IGSF9: variants seen among roughly 807,000 people sequenced by gnomAD.
IGSF9 encodes immunoglobulin superfamily member 9.
Under a neutral mutation model 121.7 loss-of-function variants are expected in IGSF9, and 87 were observed. That is an observed-to-expected ratio of 0.71 (90% CI 0.60 to 0.85). IGSF9 has a LOEUF of 0.85. IGSF9 is among the 40% of genes least tolerant of loss of function. The pLI, the probability that IGSF9 is intolerant of heterozygous loss-of-function variation, is 0.00. For synonymous variants in IGSF9, 640 were observed against 648.4 expected (o/e 0.99, Z 0.20); for missense variants, 1,462 against 1,565.3 (o/e 0.93, Z 1.11).
At position 159,929,346 on chromosome 1, in the gene IGSF9, C is replaced by T. The variant is rs754249259; in HGVS notation, c.2369+5G>A. The T allele has an allele frequency of 1.1e-5, 18 of 1,613,964 alleles. No homozygotes were observed. In the South Asian group the frequency reaches 2.0e-4, roughly 18 times the overall value. On this transcript the variant is annotated splice_donor_5th_base_variant and intron_variant, in intron 18 of 20. Transcript: ENST00000368094. ...GAAGAAAGCCAAGGAGGTGGAGGCA[C>T]TTACGGTGCAGCTGACTTCCCGGTC...
Position 159,929,385 on chromosome 1 carries a change from G to A in IGSF9, c.2335C>T (p.Leu779Phe), listed in dbSNP as rs762805461. ...RRKRLRQDPPLIFSPTGKSAA... is the reference protein window; with the variant it reads ...RRKRLRQDPPFIFSPTGKSAA... The stretch of plus-strand genomic sequence containing the variant: ...GACTTCCCGGTCGGAGAGAAGATAA[G>A]AGGTGGATCTGGAAGGGCATGAGAA... Residue 779 changes from leucine (L) to phenylalanine (F), a missense_variant, in exon 18 of 21, where the codon CTT becomes TTT. Coordinates refer to ENST00000368094, the MANE Select transcript of IGSF9 (RefSeq NM_001135050.2). 6.3e-5 allele frequency: 102 copies of A among 1,614,070 alleles called. No individual in the cohort carries two copies. The East Asian group carries it at 2.2e-3, about 35-fold the overall frequency.
At chr1:159,935,864 G>A (rs540891423) in intron 6 of IGSF9, among the ~76,000 whole-genome samples, 3 of 152,192 alleles carry the variant, frequency 2.0e-5, no homozygotes, top group Admixed American at 6.5e-5. Context: ...ACCATTACCC[G>A]GCACTGCCTT....
Position 159,934,194 on chromosome 1 carries a change from T to A in IGSF9, c.1100A>T (p.Asp367Val). ...WTKDGKALQLDKFPGWSQGTE... is the reference protein window; with the variant it reads ...WTKDGKALQLVKFPGWSQGTE... ...TCCCCTGCCCCAAGCCTGTACCTTG[T>A]CCAGCTGCAGGGCCTTTCCATCCTT... Residue 367 changes from aspartate (D) to valine (V), a missense_variant, in exon 9 of 21, where the codon GAC (aspartate) becomes GTC (valine). Around this residue, in one of 3 missense-constraint regions of IGSF9, gnomAD observed 558 missense variants for 599.4 expected, o/e 0.93. Transcript: ENST00000368094. 1 of 1,612,812 alleles carries A rather than the reference T, an allele frequency of 6.2e-7. No individual in the cohort carries two copies. Among genetic ancestry groups the A allele is most frequent in the Non-Finnish European group, 8.5e-7 (1 of 1,179,476 alleles).
chr1:159,939,092 C>T (rs184325953), intron 3 of IGSF9, among the ~76,000 whole-genome samples: 2 of 152,298 alleles, frequency 1.3e-5, no homozygotes, highest in African/African-American at 4.8e-5. Flanking sequence ...CCCTTCTCTG[C>T]TGTCCTCACC....
rs1024850575 is a variant in IGSF9, at chr1:159,932,042, C to G, written c.1246-114G>C. 1.9e-5 allele frequency: 13 copies of G among 674,784 alleles called. No homozygotes were observed. Among genetic ancestry groups the G allele is most frequent in the Non-Finnish European group, 2.8e-5 (11 of 387,472 alleles). 41.8% of individuals were successfully genotyped at this position (674,784 alleles called of 1,614,324 possible). ...CTCACCTCACTCTCCCTCACTCCCCCTAGCTAAACACTCACCAAGCCTGTC... is the reference window on the plus strand; with the variant it reads ...CTCACCTCACTCTCCCTCACTCCCCGTAGCTAAACACTCACCAAGCCTGTC... On this transcript the variant is annotated intron_variant, in intron 10 of 20. Coordinates refer to ENST00000368094, the MANE Select transcript of IGSF9 (RefSeq NM_001135050.2). This position sits in a 1 kb window ranked among gnomAD's most constrained non-coding sequence, Gnocchi z 4.1.
chr1:159,937,852 C>T lies in IGSF9; in HGVS notation c.248-14G>A, dbSNP rs139193452. On this transcript the variant is annotated splice_polypyrimidine_tract_variant and intron_variant, in intron 3 of 20. Transcript: ENST00000368094. ...GCCGGACTCGTCCTGGGGGAGGAGCCCTGAATCAAGGGTGCTGAAGGAACC... is the reference window on the plus strand; with the variant it reads ...GCCGGACTCGTCCTGGGGGAGGAGCTCTGAATCAAGGGTGCTGAAGGAACC... 9,746 of 1,611,300 alleles carry T rather than the reference C, an allele frequency of 6.0e-3. 32 individuals carry two copies. Among genetic ancestry groups the T allele is most frequent in the Non-Finnish European group, 7.1e-3 (8,319 of 1,178,662 alleles).
At chr1:159,944,903 C>A (rs1309796114) in intron 1 of IGSF9, among the ~76,000 whole-genome samples, 1 of 152,140 alleles carries the variant, frequency 6.6e-6, no homozygotes, top group Non-Finnish European at 1.5e-5. Context: ...CCTGAAAAAC[C>A]TTTTTCCAAG....
In IGSF9 at chr1:159,932,668, G is replaced by T. The variant is rs750659182; in HGVS notation, c.1105-16C>A. 10 of 1,605,458 alleles carry T rather than the reference G, an allele frequency of 6.2e-6. No individual in the cohort carries two copies. Among genetic ancestry groups the T allele is most frequent in the Non-Finnish European group, 8.5e-6 (10 of 1,174,496 alleles). On this transcript the variant is annotated splice_polypyrimidine_tract_variant and intron_variant, in intron 9 of 20. Coordinates refer to ENST00000368094, the MANE Select transcript of IGSF9 (RefSeq NM_001135050.2). The surrounding 1 kb of genome is among the most constrained non-coding windows in gnomAD (Gnocchi z 4.1). The stretch of plus-strand genomic sequence containing the variant: ...AGCCAGGGAACTGGAAGGAAGAGAA[G>T]ATGACAGCTAGAGAGAGGAGCTCAG...
chr1:159,932,257 G>A lies in IGSF9; in HGVS notation c.1245+255C>T, dbSNP rs1473069360. The stretch of plus-strand genomic sequence containing the variant: ...CAGAGAGGGAGGCAGCACGGTCAAG[G>A]TTAGTGAGAGTTGGGGCAAACAGGA... On this transcript the variant is annotated intron_variant, in intron 10 of 20. Transcript: ENST00000368094. The surrounding 1 kb of genome is among the most constrained non-coding windows in gnomAD (Gnocchi z 4.1). 2 of 584,756 alleles carry A rather than the reference G, an allele frequency of 3.4e-6. No homozygotes were observed. The highest frequency in any genetic ancestry group is 2.9e-5 in the East Asian group (1 of 34,702). 36.2% of individuals were successfully genotyped at this position (584,756 alleles called of 1,614,324 possible).
Position 159,937,766 on chromosome 1 carries a change from T to C in IGSF9, c.320A>G (p.Glu107Gly), listed in dbSNP as rs773603199. 5 of 1,613,932 alleles carry C rather than the reference T, an allele frequency of 3.1e-6. No homozygotes were observed. In the South Asian group the frequency reaches 5.5e-5, roughly 18 times the overall value. ...CTGGTCCAGGAAGAACACGCGGCAC[T>C]CGTACCAGCCCTGGTCTTCCACCCG... ...GLRVEDQGWY[E>G]CRVFFLDQHI... The change falls in exon 4 of 21, where the codon GAG (glutamate) becomes GGG (glycine). Residue 107 changes from glutamate to glycine, a missense_variant. Around this residue, in one of 3 missense-constraint regions of IGSF9, gnomAD observed 558 missense variants for 599.4 expected, o/e 0.93. Transcript: ENST00000368094.
At position 159,929,831 on chromosome 1, in the gene IGSF9, G is replaced by T; in HGVS notation, c.2150-17C>A. 6.3e-7 allele frequency: 1 copy of T among 1,598,842 alleles called. No individual in the cohort carries two copies. The highest frequency in any genetic ancestry group is 8.5e-7 in the Non-Finnish European group (1 of 1,173,358). On this transcript the variant is annotated splice_polypyrimidine_tract_variant and intron_variant, in intron 16 of 20. Coordinates refer to ENST00000368094, the MANE Select transcript of IGSF9 (RefSeq NM_001135050.2). ...CCTCCAGACCTAGGCAGGGGTCCAC[G>T]AGGGAGGGTCAGTGGACTCGGAGCA... is the stretch of plus-strand genomic sequence containing the variant.
Position 159,936,814 on chromosome 1 carries a change from C to A in IGSF9, c.495G>T (p.Leu165=). 6.2e-7 allele frequency: 1 copy of A among 1,614,228 alleles called. No homozygotes were observed. The highest frequency in any genetic ancestry group is 8.5e-7 in the Non-Finnish European group (1 of 1,180,030). The part of the protein sequence containing the change: ...TLRCVARGSP[L]PHVTWKLRGK... ...CTCGGAGCTTCCACGTCACATGAGG[C>A]AGGGGGCTGCCACGGGCCACACAAC... The change falls in exon 5 of 21, where the codon CTG becomes CTT. Residue 165 remains leucine (L), a synonymous_variant. Coordinates refer to ENST00000368094, the MANE Select transcript of IGSF9 (RefSeq NM_001135050.2).
chr1:159,929,748 A>G lies in IGSF9; in HGVS notation c.2216T>C (p.Val739Ala). 1 of 1,604,456 alleles carries G rather than the reference A, an allele frequency of 6.2e-7. No homozygotes were observed. The highest frequency in any genetic ancestry group is 8.5e-7 in the Non-Finnish European group (1 of 1,176,084). ...TCCCAGAAAGCAGACTCCGCCCACC[A>G]CGCCGGCCAGCACGGGCTGAGGCAG... ...GLLPQPVLAG[V>A]VGGVCFLGVA... is the part of the protein sequence containing the mutation. Residue 739 changes from valine (V) to alanine (A), a missense_variant, in exon 17 of 21, where the codon GTG becomes GCG. By Grantham distance (64) the Val-to-Ala change is moderately conservative. This residue lies in a region of IGSF9 where 808 missense variants were observed against 815.2 expected (regional missense o/e 0.99). Transcript: ENST00000368094.
In IGSF9 at chr1:159,943,614, G is replaced by T. The variant is rs563380428; in HGVS notation, c.-160C>A. 1.1e-5 allele frequency: 6 copies of T among 546,786 alleles called. No homozygotes were observed. The highest frequency in any genetic ancestry group is 1.8e-5 in the Non-Finnish European group (6 of 328,276). The allele number at this position is 546,786 out of a possible 1,614,324, so 33.9% of individuals were successfully genotyped here. A position where few individuals can be genotyped will look rare whatever the true frequency, so the allele number is the denominator to read the frequency against. On this transcript the variant is annotated 5_prime_UTR_variant, in exon 2 of 21. Transcript: ENST00000368094. ...GTAACACCCGAGGAAGCTGCTCTCCGGAGAACCACCAGATCTAAATGAAAA... is the reference window on the plus strand; with the variant it reads ...GTAACACCCGAGGAAGCTGCTCTCCTGAGAACCACCAGATCTAAATGAAAA...
chr1:159,936,656 G>A, intron 5 of IGSF9, 98 bp downstream of exon 5: 7 of 1,544,110 alleles, frequency 4.5e-6, no homozygotes, highest in Non-Finnish European at 6.2e-6. Flanking sequence ...CCATCCTCCA[G>A]CCTGGCCTTT....
chr1:159,939,236 CT>C (rs941682739), intron 3 of IGSF9, among the ~76,000 whole-genome samples: 3 of 151,114 alleles, frequency 2.0e-5, no homozygotes, highest in Admixed American at 1.3e-4. Context: ...ATGGAGCTTT[CT>C]TTTTTTTTAG....
chr1:159,936,123 AG>A (rs1167972564), intron 6 of IGSF9, among the ~76,000 whole-genome samples: 2 of 152,222 alleles, frequency 1.3e-5, no homozygotes, highest in African/African-American at 4.8e-5. Flanking sequence ...CTGGGACTCA[AG>A]GAGTTAACTG....
Position 159,932,380 on chromosome 1 carries a change from A to G in IGSF9, c.1245+132T>C, listed in dbSNP as rs1288354724. 4.1e-5 allele frequency: 41 copies of G among 1,010,482 alleles called. No homozygotes were observed. Among genetic ancestry groups the G allele is most frequent in the Non-Finnish European group, 5.8e-5 (40 of 685,150 alleles). The allele number at this position is 1,010,482 out of a possible 1,614,324, so 62.6% of individuals were successfully genotyped here. On this transcript the variant is annotated intron_variant, in intron 10 of 20. Coordinates refer to ENST00000368094, the MANE Select transcript of IGSF9 (RefSeq NM_001135050.2). This position sits in a 1 kb window ranked among gnomAD's most constrained non-coding sequence, Gnocchi z 4.1. ...GCATCAGGCAGCTGCTGCCGTGGCC[A>G]CCATGGGAAACAAACTTGGAAACCC... is the stretch of plus-strand genomic sequence containing the variant.
intron 3 of IGSF9, 40 bp downstream of exon 3, chr1:159,942,923 G>T: frequency 1.3e-6 from 2 of 1,578,672 alleles, no homozygotes; most frequent in Non-Finnish European, 1.7e-6. Flanking sequence ...CACCTTTCTT[G>T]CTGATACCTC....
Sources: allele counts gnomAD v4.1 joint callset (sites outside exome capture counted in the v4.1 genomes callset), GRCh38; gene constraint gnomAD v4.1.1; regional missense constraint gnomAD v4.1.1; non-coding constraint Gnocchi (gnomAD v3.1); transcripts MANE v1.5; gene names NCBI Gene and HGNC (gene_info 2026-07-23, HGNC 2026-07-21).